The following SGSH variants were observed in gnomAD, a reference collection of about 807,000 sequenced individuals.
SGSH encodes heparan sulfate sulfatase.
A neutral mutation model predicts 51.0 loss-of-function variants in SGSH; 48 were observed. The observed-to-expected ratio is 0.94, with a 90% confidence interval of 0.75 to 1.20. The LOEUF is 1.20. SGSH is among the 50% of genes most tolerant of loss of function. The probability of loss-of-function intolerance (pLI) is 0.00; values close to 1 mark genes in which losing one functional copy is unlikely to be tolerated. For synonymous variants in SGSH, 321 were observed against 313.4 expected, an observed-to-expected ratio of 1.02 and a Z score of -0.26; for missense variants, 662 against 717.8, an observed-to-expected ratio of 0.92 and a Z score of 0.89.
At chr17:80,202,703 C>CACCACA, downstream of SGSH, 1 of 986,336 alleles carries the variant, frequency 1.0e-6, no homozygotes, top group Non-Finnish European at 1.4e-6. Flanking sequence ...GCTGGATCCC[C>CACCACA]GTCTGTGGTG....
At chr17:80,207,479 G>A (rs1268462349), downstream of SGSH, 1 of 167,126 alleles carries the variant, frequency 6.0e-6, no homozygotes, top group Admixed American at 6.2e-5. Context: ...TGAACTGGGA[G>A]GTGGAGTTGC....
downstream of SGSH, chr17:80,202,164 T>C: frequency 1.9e-6 from 3 of 1,600,132 alleles, no homozygotes; most frequent in Non-Finnish European, 2.6e-6. Flanking sequence ...CTGTGGCTCA[T>C]GTCCCCTTTT....
chr17:80,202,327 T>C (rs1488565847), downstream of SGSH: 9 of 1,613,602 alleles, frequency 5.6e-6, no homozygotes, highest in South Asian at 3.3e-5. Flanking sequence ...ACCGACACCA[T>C]GTTCCAGGGC....
chr17:80,205,186 G>C (rs1464600126), downstream of SGSH: 2 of 1,613,128 alleles, frequency 1.2e-6, no homozygotes, highest in African/African-American at 2.7e-5. Flanking sequence ...TCCTCCAAGG[G>C]TTTAAGAAGT....
downstream of SGSH, chr17:80,205,318 C>A: frequency 8.5e-7 from 1 of 1,174,178 alleles, no homozygotes; most frequent in Non-Finnish European, 1.2e-6. Context: ...CCACCACGCA[C>A]ATTCCCACAC....
At chr17:80,214,827 C>G (rs2041826851) in intron 3 of SGSH, 62 bp from the exon 4 acceptor site, 4 of 1,577,924 alleles carry the variant, frequency 2.5e-6, no homozygotes, top group Non-Finnish European at 3.4e-6. Flanking sequence ...CTGCTCCCTT[C>G]TCTGCCCCTC....
rs776680729 is a variant in SGSH, at chr17:80,213,930, G to A, written c.664-45C>T. ...GCCAGGCTTAGAACAGACAGACCGGGGGAGCGGTGTCCAGCCTTCTCCCCG... is the reference window on the plus strand; with the variant it reads ...GCCAGGCTTAGAACAGACAGACCGGAGGAGCGGTGTCCAGCCTTCTCCCCG... On this transcript the variant is annotated intron_variant, in intron 5 of 7. Coordinates refer to ENST00000326317, the MANE Select transcript of SGSH (RefSeq NM_000199.5). This position sits in a 1 kb window ranked among gnomAD's most constrained non-coding sequence, Gnocchi z 4.6. 7.7e-6 allele frequency: 12 copies of A among 1,555,904 alleles called. No individual in the cohort carries two copies. The East Asian group carries it at 2.7e-4, about 35-fold the overall frequency.
At chr17:80,205,742 C>A (rs895047967), downstream of SGSH, 46 of 1,340,354 alleles carry the variant, frequency 3.4e-5, no homozygotes, top group East Asian at 1.2e-3. Context: ...GTACAGGGAC[C>A]GACCTGAGAC....
intron 7 of SGSH, 158 bp downstream of exon 7, chr17:80,211,911 TCA>T: frequency 1.5e-6 from 1 of 685,330 alleles, no homozygotes; most frequent in South Asian, 1.6e-5. Context: ...TCTCTGAGCC[TCA>T]TTCTTTTCCT....
intron 7 of SGSH, chr17:80,211,234 C>G: frequency 1.5e-6 from 2 of 1,343,428 alleles, no homozygotes; most frequent in South Asian, 3.0e-5. Context: ...ATTTAGGATC[C>G]TTCTAAAATC....
rs112554619 is a variant in SGSH, at chr17:80,219,879, C to T, written c.88+347G>A. 1.4e-3 allele frequency: 343 copies of T among 247,914 alleles called. 1 individual carries two copies. The highest frequency in any genetic ancestry group is 6.7e-3 in the African/African-American group (302 of 44,826). The allele number at this position is 247,914 out of a possible 1,614,324, so 15.4% of individuals were successfully genotyped here. Reference sequence around the variant, plus strand: ...CACCCTGTCTGCAGTCTCTGGGGACCGGAGCACCAGCCCCTCCTCTGGGAT... The same window carrying T: ...CACCCTGTCTGCAGTCTCTGGGGACTGGAGCACCAGCCCCTCCTCTGGGAT... On this transcript the variant is annotated intron_variant, in intron 1 of 7. Coordinates refer to ENST00000326317, the MANE Select transcript of SGSH (RefSeq NM_000199.5).
rs566654466 is a variant in SGSH, at chr17:80,210,143, C to T, written c.*309G>A. 132 of 1,289,670 alleles carry T rather than the reference C, an allele frequency of 1.0e-4. 2 individuals are homozygous for T. In the South Asian group the frequency reaches 2.2e-3, roughly 22 times the overall value. 79.9% of individuals were successfully genotyped at this position (1,289,670 alleles called of 1,614,324 possible). Reference sequence around the variant, plus strand: ...CTTGTCATGGGCTGGGGGCGCTGCCCTGTCCGCAGACCACGTATGTCTAGA... The same window carrying T: ...CTTGTCATGGGCTGGGGGCGCTGCCTTGTCCGCAGACCACGTATGTCTAGA... On this transcript the variant is annotated 3_prime_UTR_variant, in exon 8 of 8. Transcript: ENST00000326317.
chr17:80,203,469 G>T, downstream of SGSH: 1 of 232,442 alleles, frequency 4.3e-6, no homozygotes, highest in Non-Finnish European at 8.3e-6. This position sits in a 1 kb window ranked among gnomAD's most constrained non-coding sequence, Gnocchi z 4.6. Flanking sequence ...ATTTCTAACA[G>T]CTCTCTCGGT....
downstream of SGSH, chr17:80,203,706 G>A: frequency 1.4e-6 from 1 of 709,918 alleles, no homozygotes; most frequent in Non-Finnish European, 2.4e-6. The surrounding 1 kb of genome is among the most constrained non-coding windows in gnomAD (Gnocchi z 4.6). Context: ...GGAGCTCTAG[G>A]TGGAGGCCCT....
At chr17:80,202,320 G>A (rs757622443), downstream of SGSH, 25 of 1,613,638 alleles carry the variant, frequency 1.5e-5, 1 homozygote, top group Middle Eastern at 1.6e-4. Flanking sequence ...GCACGTCACC[G>A]ACACCATGTT....
At chr17:80,215,543 G>A (rs559765954) in intron 2 of SGSH, among the ~76,000 whole-genome samples, 10 of 152,346 alleles carry the variant, frequency 6.6e-5, no homozygotes, top group South Asian at 2.1e-4. Flanking sequence ...ACTGCCGGCC[G>A]GGCGTGGTGG....
intron 1 of SGSH, among the ~76,000 whole-genome samples, chr17:80,218,134 G>A (rs1290370873): frequency 6.6e-6 from 1 of 152,242 alleles, no homozygotes; most frequent in Non-Finnish European, 1.5e-5. Flanking sequence ...TGAGCGCATG[G>A]CCACAGAACT....
Position 80,213,500 on chromosome 17 carries a change from AG to A in SGSH, c.745+303del, listed in dbSNP as rs1480845335. ...TCAAGATCTCCATCTGCATATGCTAAGGAACTCCAAACCCCCAAATCTGACC... is the reference window on the plus strand; with the variant it reads ...TCAAGATCTCCATCTGCATATGCTAAGAACTCCAAACCCCCAAATCTGACC... On this transcript the variant is annotated intron_variant, in intron 6 of 7. Coordinates refer to ENST00000326317, the MANE Select transcript of SGSH (RefSeq NM_000199.5). This position sits in a 1 kb window ranked among gnomAD's most constrained non-coding sequence, Gnocchi z 4.6. 3 of 504,406 alleles carry A rather than the reference AG, an allele frequency of 5.9e-6. No homozygotes were observed. Among genetic ancestry groups the A allele is most frequent in the Non-Finnish European group, 1.1e-5 (3 of 280,170 alleles). 31.2% of individuals were successfully genotyped at this position (504,406 alleles called of 1,614,324 possible).
In SGSH at chr17:80,209,887, G is replaced by T; in HGVS notation, c.*565C>A. 2 of 991,306 alleles carry T rather than the reference G, an allele frequency of 2.0e-6. No individual in the cohort carries two copies. The highest frequency in any genetic ancestry group is 2.4e-6 in the Non-Finnish European group (2 of 833,196). 61.4% of individuals were successfully genotyped at this position (991,306 alleles called of 1,614,324 possible). ...ACCATGGGGCAAAACAGAAGAAGCA[G>T]AAACCTGCCCAAAGGTCGCTCAAAG... On this transcript the variant is annotated 3_prime_UTR_variant, in exon 8 of 8. Coordinates refer to ENST00000326317, the MANE Select transcript of SGSH (RefSeq NM_000199.5).
Sources: gnomAD v4.1 joint callset for allele counts (sites outside exome capture counted in the v4.1 genomes callset) on GRCh38, gnomAD v4.1.1 for gene constraint, Gnocchi (gnomAD v3.1) non-coding constraint, MANE v1.5 for transcripts, NCBI Gene and HGNC (gene_info 2026-07-23, HGNC 2026-07-21) for gene names.